XKR9: variants seen among roughly 807,000 people sequenced by gnomAD.
XKR9 encodes the protein XK related 9, also known as XK-related protein 9.
In XKR9, 32 loss-of-function variants were observed where a neutral mutation model predicts 32.0. The observed-to-expected ratio is 1.00, with a 90% CI of 0.76 to 1.34. The LOEUF (loss-of-function observed/expected upper bound fraction) is 1.34. Among genes scored for constraint, XKR9 ranks in the 40% most tolerant of loss-of-function variants. The pLI is 0.00. For synonymous variants in XKR9, 168 were observed against 143.4 expected (o/e 1.17, Z -1.22); for missense variants, 546 against 429.7 (o/e 1.27, Z -2.39).
the XKR9 span, among the ~76,000 whole-genome samples, chr8:71,008,131 C>A: frequency 2.6e-5 from 4 of 151,638 alleles, no homozygotes; most frequent in Non-Finnish European, 4.4e-5. Context: ...AATTAAAAGA[C>A]CTAAAGAATT....
the XKR9 span, among the ~76,000 whole-genome samples, chr8:71,056,796 T>C: frequency 6.6e-6 from 1 of 152,140 alleles, no homozygotes; most frequent in Non-Finnish European, 1.5e-5. Context: ...AAAGAAAAAA[T>C]AATTTATTGT....
chr8:71,061,854 A>G, the XKR9 span, among the ~76,000 whole-genome samples: 1 of 152,218 alleles, frequency 6.6e-6, no homozygotes, highest in Non-Finnish European at 1.5e-5. Flanking sequence ...AGTACATCCT[A>G]GTATATTTAG....
At chr8:70,896,828 G>A in the XKR9 span, among the ~76,000 whole-genome samples, 15 of 151,966 alleles carry the variant, frequency 9.9e-5, no homozygotes, top group East Asian at 2.9e-3. Context: ...AATCACATCA[G>A]GGTAAATGAG....
the XKR9 span, among the ~76,000 whole-genome samples, chr8:70,888,393 A>G: frequency 6.6e-6 from 1 of 150,834 alleles, no homozygotes; most frequent in Non-Finnish European, 1.5e-5. Context: ...GTTTTCTTCC[A>G]TTTTTCAGGT....
chr8:70,803,916 C>T, the XKR9 span, among the ~76,000 whole-genome samples: 1 of 152,146 alleles, frequency 6.6e-6, no homozygotes, highest in East Asian at 1.9e-4. Context: ...GCCAGAAGCT[C>T]TAAAAGGTGT....
chr8:71,009,399 T>TTCA, the XKR9 span, among the ~76,000 whole-genome samples: 10 of 51,270 alleles, frequency 2.0e-4, no homozygotes, highest in African/African-American at 1.1e-4. Flanking sequence ...CCCAAGAGAA[T>TTCA]TCTTCTTCCA....
chr8:70,796,816 G>A, the XKR9 span, among the ~76,000 whole-genome samples: 6 of 152,268 alleles, frequency 3.9e-5, no homozygotes, highest in African/African-American at 1.4e-4. Context: ...ATACATATTT[G>A]TTGAATGAAC....
intron 2 of XKR9, among the ~76,000 whole-genome samples, chr8:70,783,190 G>A (rs1449070281): frequency 1.3e-5 from 2 of 151,010 alleles, no homozygotes; most frequent in Non-Finnish European, 3.0e-5. Context: ...GCAATATTAA[G>A]CATTTAAAAA....
At chr8:70,749,453 C>T (rs1054846272) in intron 2 of XKR9, among the ~76,000 whole-genome samples, 6 of 151,874 alleles carry the variant, frequency 4.0e-5, no homozygotes, top group African/African-American at 1.2e-4. Flanking sequence ...CACCAAATTC[C>T]CTTTGTCTAG....
chr8:71,033,006 C>A, the XKR9 span, among the ~76,000 whole-genome samples: 2 of 151,922 alleles, frequency 1.3e-5, no homozygotes, highest in Non-Finnish European at 1.5e-5. Context: ...ATCGCTTGAA[C>A]CCGGGAGGTG....
chr8:70,855,826 C>A, the XKR9 span, among the ~76,000 whole-genome samples: 16 of 152,202 alleles, frequency 1.1e-4, no homozygotes, highest in Non-Finnish European at 2.2e-4. Flanking sequence ...CAATATTCAA[C>A]AATCTTAAAG....
chr8:70,812,941 AC>A, the XKR9 span, among the ~76,000 whole-genome samples: 1 of 152,202 alleles, frequency 6.6e-6, no homozygotes, highest in Non-Finnish European at 1.5e-5. Flanking sequence ...GGAAAAAACT[AC>A]TTTAAATTTC....
the XKR9 span, among the ~76,000 whole-genome samples, chr8:70,796,736 G>A: frequency 0.4 from 61,290 of 152,034 alleles, 13,898 homozygotes; most frequent in Non-Finnish European, 0.52. Context: ...TAAATACTGT[G>A]TGTTACTTAA....
intron 2 of XKR9, among the ~76,000 whole-genome samples, chr8:70,678,816 A>T (rs1261265839): frequency 1.3e-5 from 2 of 152,238 alleles, no homozygotes; most frequent in East Asian, 3.8e-4. Flanking sequence ...CAAAATACTT[A>T]TAAGTGATAA....
At chr8:70,978,309 G>C in the XKR9 span, among the ~76,000 whole-genome samples, 1 of 152,158 alleles carries the variant, frequency 6.6e-6, no homozygotes, top group Non-Finnish European at 1.5e-5. Context: ...CTCATTAGTT[G>C]ATGCAATTTC....
the XKR9 span, among the ~76,000 whole-genome samples, chr8:70,875,092 A>G: frequency 1.3e-5 from 2 of 152,314 alleles, no homozygotes; most frequent in Admixed American, 1.3e-4. Context: ...CATTTCTTTT[A>G]TTAATGTTAA....
the XKR9 span, among the ~76,000 whole-genome samples, chr8:70,815,509 TTTTATTTATTTA>T: frequency 2.1e-5 from 3 of 141,830 alleles, no homozygotes; most frequent in Admixed American, 7.1e-5. Context: ...CATTCCTTTA[TTTTATTTATTTA>T]TTTATTTATT....
intron 2 of XKR9, among the ~76,000 whole-genome samples, chr8:70,750,981 T>C (rs1051133820): frequency 6.6e-6 from 1 of 152,140 alleles, no homozygotes; most frequent in African/African-American, 2.4e-5. Flanking sequence ...ATCTACTCAG[T>C]TGAACATGTG....
At chr8:71,020,238 G>A in the XKR9 span, among the ~76,000 whole-genome samples, 3 of 152,114 alleles carry the variant, frequency 2.0e-5, no homozygotes, top group African/African-American at 4.8e-5. Context: ...TTAGTTAGTT[G>A]AGCCAGTTGG....
Sources: allele counts gnomAD v4.1 joint callset (sites outside exome capture counted in the v4.1 genomes callset), GRCh38; gene constraint gnomAD v4.1.1; transcripts MANE v1.5; gene names NCBI Gene and HGNC (gene_info 2026-07-23, HGNC 2026-07-21).